Variants in PARD3B observed in about 807,000 individuals in gnomAD.
The protein encoded by PARD3B is par-3 family cell polarity regulator beta, also known as partitioning defective 3 homolog B.
Under a neutral mutation model 130.2 loss-of-function variants are expected in PARD3B, and 103 were observed. The observed-to-expected ratio is 0.79, with a 90% CI of 0.67 to 0.93. PARD3B has a LOEUF of 0.93. PARD3B is among the 40% of genes least tolerant of loss of function. The probability of loss-of-function intolerance (pLI) is 0.00; values close to 1 mark genes in which losing one functional copy is unlikely to be tolerated. For missense variants in PARD3B, 1,609 were observed against 1,499.2 expected (o/e 1.07, Z -1.21); for synonymous variants, 583 against 553.2 (o/e 1.05, Z -0.76).
chr2:204,824,046 A>T (rs1351265368), intron 2 of PARD3B, among the ~76,000 whole-genome samples: 1 of 152,164 alleles, frequency 6.6e-6, no homozygotes, highest in African/African-American at 2.4e-5. Flanking sequence ...AGTTCTGAAG[A>T]TAAAGCACTT....
intron 4 of PARD3B, among the ~76,000 whole-genome samples, chr2:205,083,063 G>A (rs1559420123): frequency 1.3e-5 from 2 of 151,820 alleles, no homozygotes; most frequent in South Asian, 2.1e-4. Flanking sequence ...GGGCTTACAG[G>A]TGCACACTAC....
chr2:205,487,584 C>A (rs2106308423), intron 20 of PARD3B, among the ~76,000 whole-genome samples: 1 of 152,112 alleles, frequency 6.6e-6, no homozygotes, highest in Admixed American at 6.6e-5. Flanking sequence ...GGTTAGGTAC[C>A]CAGCTGTTGG....
In PARD3B at chr2:205,590,565, G is replaced by A. The variant is rs2054351251; in HGVS notation, c.3261-24891G>A. Among the ~76,000 whole-genome samples the A allele has an allele frequency of 6.6e-6, 1 of 152,164 alleles. No individual in the cohort carries two copies. The highest frequency in any genetic ancestry group is 2.4e-5 in the African/African-American group (1 of 41,448). ...GGGTCACATGCCCCTCTGGAGTCCA[G>A]AGTGGAGTCATTCCACCTGAACCAC... is the stretch of plus-strand genomic sequence containing the variant. On this transcript the variant is annotated intron_variant, in intron 22 of 22. Coordinates refer to ENST00000406610, the MANE Select transcript of PARD3B (RefSeq NM_001302769.2). This position sits in a 1 kb window ranked among gnomAD's most constrained non-coding sequence, Gnocchi z 4.1.
At chr2:205,557,695 C>T (rs2052953832) in intron 22 of PARD3B, among the ~76,000 whole-genome samples, 1 of 152,126 alleles carries the variant, frequency 6.6e-6, no homozygotes, top group African/African-American at 2.4e-5. Flanking sequence ...CAAGCAAAAC[C>T]CTCAGCGAAG....
intron 2 of PARD3B, among the ~76,000 whole-genome samples, chr2:204,913,402 G>C (rs1182021701): frequency 1.3e-5 from 2 of 152,166 alleles, no homozygotes; most frequent in Non-Finnish European, 2.9e-5. Context: ...TGACTTTTGA[G>C]ACGATTGTGA....
chr2:205,056,200 T>C (rs937817887), intron 4 of PARD3B, among the ~76,000 whole-genome samples: 1 of 151,568 alleles, frequency 6.6e-6, no homozygotes, highest in Non-Finnish European at 1.5e-5. Flanking sequence ...TCTCTTACGA[T>C]AGGGGACGTT....
chr2:204,990,940 G>C (rs1477238786), intron 3 of PARD3B, among the ~76,000 whole-genome samples: 1 of 152,132 alleles, frequency 6.6e-6, no homozygotes, highest in East Asian at 1.9e-4. Flanking sequence ...GTGATCAATT[G>C]TCAGGCATCA....
At chr2:205,246,803 AGG>A (rs2039591883) in intron 16 of PARD3B, among the ~76,000 whole-genome samples, 1 of 152,172 alleles carries the variant, frequency 6.6e-6, no homozygotes, top group Non-Finnish European at 1.5e-5. Context: ...TGATAACAGC[AGG>A]GAAGGGCTGG....
At chr2:204,997,284 A>G (rs1297343537) in intron 3 of PARD3B, among the ~76,000 whole-genome samples, 1 of 152,110 alleles carries the variant, frequency 6.6e-6, no homozygotes, top group African/African-American at 2.4e-5. Context: ...AGAAGCAGAA[A>G]CCTATGAGAT....
rs36111258 is a variant in PARD3B at position 204,650,887 on chromosome 2, TGAGAGA to T, written c.121-35279_121-35274del. Among the ~76,000 whole-genome samples, 184 of 148,094 alleles carry T rather than the reference TGAGAGA, an allele frequency of 1.2e-3. 3 individuals carry two copies. Among genetic ancestry groups the T allele is most frequent in the African/African-American group, 4.4e-3 (180 of 40,602 alleles). On this transcript the variant is annotated intron_variant, in intron 1 of 22. Transcript: ENST00000406610. ...GCAAGCATATCTTACCATGGGGGAGTGAGAGAGAGAGAGAGAGAGAAGGAGGAAGTG... is the reference window on the plus strand; with the variant it reads ...GCAAGCATATCTTACCATGGGGGAGTGAGAGAGAGAGAGAAGGAGGAAGTG...
At chr2:204,608,876 G>C (rs1159115669) in intron 1 of PARD3B, among the ~76,000 whole-genome samples, 1 of 152,174 alleles carries the variant, frequency 6.6e-6, no homozygotes, top group Non-Finnish European at 1.5e-5. Context: ...GGGTGAGAGA[G>C]AACTGTGAAA....
intron 21 of PARD3B, among the ~76,000 whole-genome samples, chr2:205,539,295 A>G (rs1319210746): frequency 6.6e-6 from 1 of 152,192 alleles, no homozygotes; most frequent in East Asian, 1.9e-4. Context: ...ATTGAGTCAG[A>G]TGATGTCTGA....
At chr2:205,480,395 C>G (rs1328815405) in intron 20 of PARD3B, among the ~76,000 whole-genome samples, 1 of 152,140 alleles carries the variant, frequency 6.6e-6, no homozygotes, top group Admixed American at 6.5e-5. Context: ...TAGTCACTGT[C>G]TTCTCATCAT....
intron 18 of PARD3B, among the ~76,000 whole-genome samples, chr2:205,338,171 A>C (rs1215609122): frequency 3.3e-5 from 5 of 151,318 alleles, no homozygotes; most frequent in Admixed American, 2.0e-4. Flanking sequence ...AAAAAAAAAA[A>C]AAAAAAAGGC....
chr2:204,592,308 G>A (rs940922741), intron 1 of PARD3B, among the ~76,000 whole-genome samples: 1 of 152,186 alleles, frequency 6.6e-6, no homozygotes, highest in African/African-American at 2.4e-5. Context: ...ATGACCTAGT[G>A]GACGAAAAAG....
In PARD3B at chr2:205,164,474, A is replaced by T. The variant is rs183914506; in HGVS notation, c.1620+5567A>T. On this transcript the variant is annotated intron_variant, in intron 11 of 22. Coordinates refer to ENST00000406610, the MANE Select transcript of PARD3B (RefSeq NM_001302769.2). ...ACAGCGAGACCCCATCTCTTTTTTT[A>T]AAAAATCCCATAATTCCAGCATCTA... 2.4e-3 allele frequency among the ~76,000 whole-genome samples: 371 copies of T among 151,494 alleles called. 1 individual carries two copies. The highest frequency in any genetic ancestry group is 8.5e-3 in the African/African-American group (353 of 41,354).
chr2:205,470,305 A>G lies in PARD3B; in HGVS notation c.3045-29591A>G, dbSNP rs945494111. ...CTCTTCAAAGTAGCTTTCACAATTA[A>G]ATCTTTAATGTCATTATCATTTGTT... On this transcript the variant is annotated intron_variant, in intron 20 of 22. Transcript: ENST00000406610. This position sits in a 1 kb window ranked among gnomAD's most constrained non-coding sequence, Gnocchi z 4.8. Among the ~76,000 whole-genome samples the G allele has an allele frequency of 2.0e-5, 3 of 152,066 alleles. No homozygotes were observed. Among genetic ancestry groups the G allele is most frequent in the African/African-American group, 7.2e-5 (3 of 41,394 alleles).
At position 205,500,027 on chromosome 2, in the gene PARD3B, T is replaced by G. The variant is rs1223966478; in HGVS notation, c.3176T>G (p.Leu1059Arg). 5.6e-6 allele frequency: 9 copies of G among 1,613,358 alleles called. No homozygotes were observed. Among genetic ancestry groups the G allele is most frequent in the Non-Finnish European group, 2.5e-6 (3 of 1,179,640 alleles). The change falls in exon 21 of 23, where the codon CTC becomes CGC. Residue 1059 changes from leucine to arginine, a missense_variant. Transcript: ENST00000406610. ...GCAAGGCCATCTGAGTATGACCTAC[T>G]CTGGGTAAGCGCATGCATGATTTCA... ...GRARPSEYDL[L>R]WVPGRGPDGN...
intron 18 of PARD3B, among the ~76,000 whole-genome samples, chr2:205,331,193 AACAC>A (rs981975372): frequency 6.6e-5 from 10 of 151,584 alleles, no homozygotes; most frequent in Admixed American, 2.6e-4. Flanking sequence ...CACACATACA[AACAC>A]ACACACAGAC....
Sources: allele counts gnomAD v4.1 joint callset (sites outside exome capture counted in the v4.1 genomes callset), GRCh38; gene constraint gnomAD v4.1.1; non-coding constraint Gnocchi (gnomAD v3.1); transcripts MANE v1.5; gene names NCBI Gene and HGNC (gene_info 2026-07-23, HGNC 2026-07-21).